Variants in PLPPR1 observed in about 807,000 individuals in gnomAD.
PLPPR1 encodes phospholipid phosphatase related 1.
A neutral mutation model predicts 33.1 loss-of-function variants in PLPPR1; 10 were observed. The observed-to-expected ratio is 0.30, with a 90% confidence interval of 0.19 to 0.51. The LOEUF is 0.51. PLPPR1 is among the 20% of genes least tolerant of loss of function. PLPPR1 has a pLI of 0.97. For missense variants in PLPPR1, 304 were observed against 408.1 expected, an observed-to-expected ratio of 0.74 and a Z score of 2.20; for synonymous variants, 151 against 151.0, an observed-to-expected ratio of 1.00 and a Z score of 0.00.
At chr9:101,095,865 G>A (rs1830810787) in intron 1 of PLPPR1, among the ~76,000 whole-genome samples, 1 of 152,044 alleles carries the variant, frequency 6.6e-6, no homozygotes, top group Non-Finnish European at 1.5e-5. Flanking sequence ...TTTAAATGTT[G>A]ACCCAGTGTT....
chr9:101,268,643 A>T (rs928270905), intron 2 of PLPPR1, among the ~76,000 whole-genome samples: 7 of 152,206 alleles, frequency 4.6e-5, no homozygotes, highest in Non-Finnish European at 1.0e-4. Context: ...GCCTTGGATT[A>T]GTCATTCTGG....
rs190903598 is a variant in PLPPR1, at chr9:101,290,720, T to C, written c.385+4484T>C. On this transcript the variant is annotated intron_variant, in intron 4 of 7. Coordinates refer to ENST00000374874, the MANE Select transcript of PLPPR1 (RefSeq NM_207299.2). ...CATTATAAGTTGCAACCTCAGAAAATGGTATTAAGAATTTTTCATGGAGAA... is the reference window on the plus strand; with the variant it reads ...CATTATAAGTTGCAACCTCAGAAAACGGTATTAAGAATTTTTCATGGAGAA... Among the ~76,000 whole-genome samples, 300 of 152,256 alleles carry C rather than the reference T, an allele frequency of 2.0e-3. 1 individual carries two copies. Among genetic ancestry groups the C allele is most frequent in the Middle Eastern group, 6.8e-3 (2 of 294 alleles).
chr9:101,174,413 A>G (rs932768578), intron 1 of PLPPR1, among the ~76,000 whole-genome samples: 1 of 152,212 alleles, frequency 6.6e-6, no homozygotes, highest in Non-Finnish European at 1.5e-5. Context: ...GTGCTGGGCT[A>G]TTACAAATGA....
At chr9:101,060,908 C>CA (rs954647753) in intron 1 of PLPPR1, among the ~76,000 whole-genome samples, 14 of 151,434 alleles carry the variant, frequency 9.2e-5, no homozygotes, top group African/African-American at 3.1e-4. Flanking sequence ...CTTTTTTTAA[C>CA]AAAAAAAGTG....
chr9:101,256,803 G>A (rs893742230), intron 2 of PLPPR1, among the ~76,000 whole-genome samples: 1 of 152,010 alleles, frequency 6.6e-6, no homozygotes. Flanking sequence ...TGAGGTCAAT[G>A]GTTCAATGAT....
At chr9:101,297,166 A>AT (rs939301847) in intron 4 of PLPPR1, among the ~76,000 whole-genome samples, 4 of 152,142 alleles carry the variant, frequency 2.6e-5, no homozygotes, top group Non-Finnish European at 5.9e-5. Flanking sequence ...CATAATTTTA[A>AT]TTTTTTATCA....
intron 2 of PLPPR1, among the ~76,000 whole-genome samples, chr9:101,221,189 T>A (rs746757492): frequency 1.3e-5 from 2 of 152,306 alleles, no homozygotes; most frequent in Non-Finnish European, 2.9e-5. Context: ...GGTGTACCCA[T>A]CACCTGAGCA....
intron 4 of PLPPR1, among the ~76,000 whole-genome samples, chr9:101,303,457 A>G (rs564103274): frequency 6.6e-6 from 1 of 152,242 alleles, no homozygotes; most frequent in East Asian, 1.9e-4. Flanking sequence ...ATGCATCACC[A>G]TACCTGGCTA....
chr9:101,181,867 T>C (rs551858540), intron 1 of PLPPR1, among the ~76,000 whole-genome samples: 16 of 149,102 alleles, frequency 1.1e-4, no homozygotes, highest in East Asian at 3.9e-4. Context: ...TATATATATA[T>C]ACACACACAT....
chr9:101,109,028 G>T (rs1473956380), intron 1 of PLPPR1, among the ~76,000 whole-genome samples: 1 of 148,214 alleles, frequency 6.7e-6, no homozygotes, highest in Non-Finnish European at 1.5e-5. Flanking sequence ...GCGCGATCTC[G>T]GCTCACTGCA....
At chr9:101,164,085 C>T (rs1445880568) in intron 1 of PLPPR1, among the ~76,000 whole-genome samples, 1 of 152,106 alleles carries the variant, frequency 6.6e-6, no homozygotes, top group Non-Finnish European at 1.5e-5. Flanking sequence ...AAGCTAATGA[C>T]CAGGTATGTG....
At chr9:101,109,153 T>C (rs1254710815) in intron 1 of PLPPR1, among the ~76,000 whole-genome samples, 2 of 148,778 alleles carry the variant, frequency 1.3e-5, no homozygotes, top group South Asian at 2.1e-4. Context: ...TTTTTTTTTT[T>C]TTTTTAGTAG....
At chr9:101,151,998 G>C (rs926396011) in intron 1 of PLPPR1, among the ~76,000 whole-genome samples, 9 of 152,300 alleles carry the variant, frequency 5.9e-5, no homozygotes, top group African/African-American at 2.2e-4. Context: ...GGTTGAACTA[G>C]TTTACAGTCC....
intron 1 of PLPPR1, among the ~76,000 whole-genome samples, chr9:101,086,871 A>C (rs868385245): frequency 3.9e-5 from 6 of 152,206 alleles, no homozygotes; most frequent in Non-Finnish European, 7.3e-5. Context: ...GAAGCAGGTC[A>C]GCCCCAAATA....
At position 101,157,556 on chromosome 9, in the gene PLPPR1, G is replaced by T. The variant is rs370669257; in HGVS notation, c.-45-27894G>T. Among the ~76,000 whole-genome samples the T allele has an allele frequency of 2.2e-4, 34 of 152,206 alleles. No individual in the cohort carries two copies. The East Asian group carries it at 6.6e-3, about 29-fold the overall frequency. On this transcript the variant is annotated intron_variant, in intron 1 of 7. Transcript: ENST00000374874. ...AAATTACCCAGGATAAGCATATATG[G>T]TGAAAAGAAAAGTCTGAGAAGAAAC... is the stretch of plus-strand genomic sequence containing the variant.
intron 2 of PLPPR1, among the ~76,000 whole-genome samples, chr9:101,238,254 G>A (rs1225174947): frequency 2.3e-5 from 3 of 129,224 alleles, no homozygotes; most frequent in Admixed American, 7.7e-5. Context: ...ATAGAGAGAG[G>A]TATATATACA....
At chr9:101,256,246 CATA>C (rs1265670473) in intron 2 of PLPPR1, among the ~76,000 whole-genome samples, 1 of 151,888 alleles carries the variant, frequency 6.6e-6, no homozygotes, top group Non-Finnish European at 1.5e-5. Flanking sequence ...ATGTGTTTTA[CATA>C]ATAATTGATA....
chr9:101,211,873 A>C (rs972630206), intron 2 of PLPPR1, among the ~76,000 whole-genome samples: 3 of 152,230 alleles, frequency 2.0e-5, no homozygotes, highest in African/African-American at 4.8e-5. Flanking sequence ...TAATCCTTGT[A>C]ACAAGCCTAT....
At chr9:101,168,244 T>C (rs981637920) in intron 1 of PLPPR1, among the ~76,000 whole-genome samples, 2 of 152,146 alleles carry the variant, frequency 1.3e-5, no homozygotes, top group African/African-American at 4.8e-5. Context: ...CTCTTAGCCA[T>C]AGTTAATAAA....
Sources: gnomAD v4.1 joint callset for allele counts (sites outside exome capture counted in the v4.1 genomes callset) on GRCh38, gnomAD v4.1.1 for gene constraint, MANE v1.5 for transcripts, NCBI Gene and HGNC (gene_info 2026-07-23, HGNC 2026-07-21) for gene names.